CHERP: variants seen among roughly 807,000 people sequenced by gnomAD.
CHERP encodes calcium homeostasis endoplasmic reticulum protein, also known as ERPROT 213-21.
In CHERP, 8 loss-of-function variants were observed where a neutral mutation model predicts 113.8. That is an observed-to-expected ratio of 0.07 (90% CI 0.04 to 0.13). The LOEUF (loss-of-function observed/expected upper bound fraction) is 0.13. Ranked by LOEUF, CHERP falls within the 10% of genes least tolerant of loss-of-function variation. CHERP has a pLI of 1.00. For synonymous variants in CHERP, 559 were observed against 524.5 expected, an observed-to-expected ratio of 1.07 and a Z score of -0.90; for missense variants, 884 against 1,298.2, an observed-to-expected ratio of 0.68 and a Z score of 4.90.
At chr19:16,526,688 A>C (rs915839750) in intron 9 of CHERP, among the ~76,000 whole-genome samples, 15 of 151,868 alleles carry the variant, frequency 9.9e-5, no homozygotes, top group African/African-American at 3.6e-4. Context: ...GCTGGTCTCA[A>C]ACTCCTGACC....
chr19:16,538,552 G>T (rs567465692), intron 2 of CHERP, among the ~76,000 whole-genome samples: 163 of 152,240 alleles, frequency 1.1e-3, no homozygotes, highest in African/African-American at 3.9e-3. Context: ...GTGTGGTGGC[G>T]CACGCCTGTA....
chr19:16,539,181 T>C (rs1244296207), intron 2 of CHERP, among the ~76,000 whole-genome samples: 16 of 143,208 alleles, frequency 1.1e-4, no homozygotes, highest in South Asian at 2.3e-4. Context: ...GGAGTCTCGC[T>C]CTGTCGCCCA....
At chr19:16,522,911 T>C in intron 11 of CHERP, 141 bp downstream of exon 11, 1 of 990,448 alleles carries the variant, frequency 1.0e-6, no homozygotes, top group Non-Finnish European at 1.4e-6. Flanking sequence ...CACCTCCCAC[T>C]GACGGATCAG....
In CHERP at chr19:16,523,281, G is replaced by A. The variant is rs1304820984; in HGVS notation, c.1751C>T (p.Pro584Leu). The A allele has an allele frequency of 1.2e-6, 2 of 1,601,226 alleles. No homozygotes were observed. The highest frequency in any genetic ancestry group is 1.1e-5 in the South Asian group (1 of 90,124). Reference protein sequence around the residue: ...PQGDFPAEMGPPHHHPGHRMP... With the variant: ...PQGDFPAEMGLPHHHPGHRMP... ...GCGGTGGCCAGGGTGGTGGTGAGGG[G>A]GCCCCATTTCTGCAAAACAGAGACT... is the stretch of plus-strand genomic sequence containing the variant. The change falls in exon 11 of 17, where the codon CCC becomes CTC. Residue 584 changes from proline to leucine, a missense_variant. By Grantham distance (98) the Pro-to-Leu change is moderately conservative. Around this residue, in one of 8 missense-constraint regions of CHERP, gnomAD observed 464 missense variants for 590.1 expected, o/e 0.79. Coordinates refer to ENST00000546361, the MANE Select transcript of CHERP (RefSeq NM_006387.6). The surrounding 1 kb of genome is among the most constrained non-coding windows in gnomAD (Gnocchi z 4.0).
At chr19:16,531,227 A>G (rs549396737) in intron 5 of CHERP, among the ~76,000 whole-genome samples, 79 of 152,316 alleles carry the variant, frequency 5.2e-4, no homozygotes, top group African/African-American at 1.9e-3. Flanking sequence ...CTGCCTGTGT[A>G]TGATGGGCGG....
At position 16,538,715 on chromosome 19, in the gene CHERP, A is replaced by G. The variant is rs139346260; in HGVS notation, c.200-3079T>C. 1.6e-3 allele frequency among the ~76,000 whole-genome samples: 246 copies of G among 152,082 alleles called. 2 individuals are homozygous for G. Among genetic ancestry groups the G allele is most frequent in the African/African-American group, 5.9e-3 (243 of 41,506 alleles). On this transcript the variant is annotated intron_variant, in intron 2 of 16. Transcript: ENST00000546361. ...AAAAAGAAAGCACTTCTTGGCTTCA[A>G]TCTTCCTGGGCTATAAGCATAAGCA... is the stretch of plus-strand genomic sequence containing the variant.
In CHERP at chr19:16,519,609, C is replaced by T; in HGVS notation, c.2557+12G>A. 1 of 1,612,488 alleles carries T rather than the reference C, an allele frequency of 6.2e-7. No homozygotes were observed. Among genetic ancestry groups the T allele is most frequent in the Non-Finnish European group, 8.5e-7 (1 of 1,178,568 alleles). ...GGACCCATCCCGCGCCCTCCCCATT[C>T]CCTCGCCTTACCCATCTTCACCAGC... On this transcript the variant is annotated intron_variant, in intron 16 of 16. Transcript: ENST00000546361. The surrounding 1 kb of genome is among the most constrained non-coding windows in gnomAD (Gnocchi z 6.0).
At position 16,520,283 on chromosome 19, in the gene CHERP, C is replaced by T. The variant is rs1242387266; in HGVS notation, c.2346-18G>A. On this transcript the variant is annotated intron_variant, in intron 14 of 16. Transcript: ENST00000546361. This position sits in a 1 kb window ranked among gnomAD's most constrained non-coding sequence, Gnocchi z 4.0. ...TCCGACTTCTGCAGGGAAGGGTGCC[C>T]AAGGGTCAGCAGCAGCCAGGCGTCG... 1.2e-6 allele frequency: 2 copies of T among 1,613,200 alleles called. No individual in the cohort carries two copies. Among genetic ancestry groups the T allele is most frequent in the African/African-American group, 1.3e-5 (1 of 74,920 alleles).
intron 2 of CHERP, among the ~76,000 whole-genome samples, chr19:16,539,156 T>TG (rs2085760293): frequency 6.7e-6 from 1 of 150,334 alleles, no homozygotes; most frequent in Non-Finnish European, 1.5e-5. Flanking sequence ...GTTTTTTTTT[T>TG]TTTTTTTTTG....
At chr19:16,539,041 C>T (rs2085759398) in intron 2 of CHERP, among the ~76,000 whole-genome samples, 1 of 152,098 alleles carries the variant, frequency 6.6e-6, no homozygotes, top group Admixed American at 6.6e-5. Context: ...CCTCACTGCT[C>T]CCCAGGCTGG....
In CHERP at chr19:16,530,846, G is replaced by C; in HGVS notation, c.709C>G (p.Leu237Val). 1 of 1,613,762 alleles carries C rather than the reference G, an allele frequency of 6.2e-7. No individual in the cohort carries two copies. Among genetic ancestry groups the C allele is most frequent in the Non-Finnish European group, 8.5e-7 (1 of 1,179,966 alleles). ...TAGATGGGCACCACGACCTTCTGCA[G>C]GGCGGCCAGCAGCTCCCGGGCCTGC... ...RKQARELLAA[L>V]QKVVVPIYCT... is the part of the protein sequence containing the mutation. The change falls in exon 6 of 17, where the codon CTG (leucine) becomes GTG (valine). Residue 237 changes from leucine to valine, a missense_variant. Around this residue, in one of 8 missense-constraint regions of CHERP, gnomAD observed 73 missense variants for 182.4 expected, o/e 0.40. Transcript: ENST00000546361. The surrounding 1 kb of genome is among the most constrained non-coding windows in gnomAD (Gnocchi z 4.1).
chr19:16,531,039 G>T, intron 5 of CHERP, 159 bp from the exon 6 acceptor site: 22 of 1,233,794 alleles, frequency 1.8e-5, no homozygotes, highest in Non-Finnish European at 2.4e-5. Context: ...GACCTGTGCT[G>T]GTGCCTGGGC....
intron 2 of CHERP, chr19:16,539,565 C>G (rs976159854): frequency 6.6e-6 from 1 of 152,170 alleles, no homozygotes; most frequent in African/African-American, 2.4e-5. Context: ...ACCCCACCCC[C>G]GCATCTCAAA....
chr19:16,519,358 AAC>A lies in CHERP; in HGVS notation c.2558-8_2558-7del. The A allele has an allele frequency of 3.7e-6, 6 of 1,608,910 alleles. No individual in the cohort carries two copies. The highest frequency in any genetic ancestry group is 1.3e-5 in the African/African-American group (1 of 74,840). Reference sequence around the variant, plus strand: ...GCCGCCTGAGCCGCTCCAGCCTGGAAACAGAGACGCAGTCACAACCACAACAA... The same window carrying A: ...GCCGCCTGAGCCGCTCCAGCCTGGAAAGAGACGCAGTCACAACCACAACAA... On this transcript the variant is annotated splice_polypyrimidine_tract_variant and splice_region_variant and intron_variant, in intron 16 of 16. Coordinates refer to ENST00000546361, the MANE Select transcript of CHERP (RefSeq NM_006387.6). The surrounding 1 kb of genome is among the most constrained non-coding windows in gnomAD (Gnocchi z 6.0).
chr19:16,523,927 C>T lies in CHERP; in HGVS notation c.1742-637G>A, dbSNP rs960124692. ...AAAAGCAATAAATGTGCCAAGCGGT[C>T]TTCAAGCTGCATTTATAATCAGAAA... is the stretch of plus-strand genomic sequence containing the variant. On this transcript the variant is annotated intron_variant, in intron 10 of 16. Coordinates refer to ENST00000546361, the MANE Select transcript of CHERP (RefSeq NM_006387.6). The surrounding 1 kb of genome is among the most constrained non-coding windows in gnomAD (Gnocchi z 4.0). Among the ~76,000 whole-genome samples, 2 of 152,230 alleles carry T rather than the reference C, an allele frequency of 1.3e-5. No individual in the cohort carries two copies. The highest frequency in any genetic ancestry group is 6.5e-5 in the Admixed American group (1 of 15,278).
chr19:16,533,925 C>A (rs991842628), intron 3 of CHERP, among the ~76,000 whole-genome samples: 1 of 152,172 alleles, frequency 6.6e-6, no homozygotes, highest in African/African-American at 2.4e-5. Flanking sequence ...GAGGAAACAC[C>A]GGTTAAAGTG....
rs1239841187 is a variant in CHERP, at chr19:16,535,232, T to C, written c.384+220A>G. On this transcript the variant is annotated intron_variant, in intron 3 of 16. Transcript: ENST00000546361. This position sits in a 1 kb window ranked among gnomAD's most constrained non-coding sequence, Gnocchi z 4.3. ...CCACTCAGGGGGGTCCACCCCAGGG[T>C]GATGGGTGCACGCACGTCCAGTGGC... 2.0e-5 allele frequency among the ~76,000 whole-genome samples: 3 copies of C among 152,062 alleles called. No homozygotes were observed. Among genetic ancestry groups the C allele is most frequent in the Non-Finnish European group, 4.4e-5 (3 of 67,990 alleles).
intron 2 of CHERP, among the ~76,000 whole-genome samples, chr19:16,538,702 C>A (rs965453128): frequency 2.0e-5 from 3 of 151,832 alleles, no homozygotes; most frequent in Non-Finnish European, 4.4e-5. Context: ...AAAGAAAGCA[C>A]TTCTTGGCTT....
chr19:16,521,892 C>A (rs1056169767), intron 11 of CHERP, among the ~76,000 whole-genome samples: 1 of 152,220 alleles, frequency 6.6e-6, no homozygotes, highest in South Asian at 2.1e-4. Context: ...GTTCTCTCTT[C>A]AGAAAATCAC....
Sources: allele counts gnomAD v4.1 joint callset (sites outside exome capture counted in the v4.1 genomes callset), GRCh38; gene constraint gnomAD v4.1.1; regional missense constraint gnomAD v4.1.1; non-coding constraint Gnocchi (gnomAD v3.1); transcripts MANE v1.5; gene names NCBI Gene and HGNC (gene_info 2026-07-23, HGNC 2026-07-21).